ASIC2: variants seen among roughly 807,000 people sequenced by gnomAD.
The protein encoded by ASIC2 is acid-sensing ion channel 2.
Under a neutral mutation model 57.3 loss-of-function variants are expected in ASIC2, and 25 were observed. The ratio of observed to expected loss-of-function variants is 0.44; its 90% CI spans 0.32 to 0.61. The LOEUF is 0.61. Ranked by LOEUF, ASIC2 falls within the 20% of genes least tolerant of loss-of-function variation. The pLI is 0.06. For synonymous variants in ASIC2, 319 were observed against 307.5 expected, an observed-to-expected ratio of 1.04 and a Z score of -0.39; for missense variants, 641 against 738.1, an observed-to-expected ratio of 0.87 and a Z score of 1.52.
chr17:33,409,267 A>C (rs916041021), intron 1 of ASIC2, among the ~76,000 whole-genome samples: 1 of 152,140 alleles, frequency 6.6e-6, no homozygotes, highest in Non-Finnish European at 1.5e-5. Flanking sequence ...TCCAGAGGTC[A>C]TCAACTCCAA....
chr17:33,573,555 CTTGT>C (rs534971893), intron 1 of ASIC2, among the ~76,000 whole-genome samples: 126 of 152,156 alleles, frequency 8.3e-4, no homozygotes, highest in Admixed American at 2.0e-3. Context: ...TGCTTTAAAT[CTTGT>C]TTTTTTGTTT....
intron 1 of ASIC2, among the ~76,000 whole-genome samples, chr17:34,088,619 G>A (rs1420278991): frequency 6.6e-6 from 1 of 152,226 alleles, no homozygotes; most frequent in African/African-American, 2.4e-5. Context: ...CTTTTTGTTT[G>A]TCTGTGCCCT....
intron 1 of ASIC2, among the ~76,000 whole-genome samples, chr17:33,193,581 C>T (rs1480906313): frequency 6.6e-6 from 1 of 152,172 alleles, no homozygotes; most frequent in Admixed American, 6.5e-5. Flanking sequence ...TTTACATCCC[C>T]CTGGGGAGCA....
chr17:33,909,016 C>A (rs569484468), intron 1 of ASIC2, among the ~76,000 whole-genome samples: 1 of 152,186 alleles, frequency 6.6e-6, no homozygotes, highest in Admixed American at 6.5e-5. Flanking sequence ...AAGAAAAGAG[C>A]ACAGCCATCA....
chr17:34,116,267 C>T (rs934065508), intron 1 of ASIC2, among the ~76,000 whole-genome samples: 1 of 151,982 alleles, frequency 6.6e-6, no homozygotes, highest in Non-Finnish European at 1.5e-5. Flanking sequence ...ATGCCTTTCT[C>T]TCTCTAGGCC....
rs890576074 is a variant in ASIC2, at chr17:34,120,409, C to T, written c.555+35569G>A. 3.2e-4 allele frequency among the ~76,000 whole-genome samples: 49 copies of T among 151,960 alleles called. 1 individual carries two copies. The highest frequency in any genetic ancestry group is 2.3e-3 in the Admixed American group (35 of 15,266). On this transcript the variant is annotated intron_variant, in intron 1 of 9. Coordinates refer to the ASIC2 transcript ENST00000359872. ...ACAGTATAGAGTGTGTCTGTGCACACGCATATGGCTCATTTAGATGAGATA... is the reference window on the plus strand; with the variant it reads ...ACAGTATAGAGTGTGTCTGTGCACATGCATATGGCTCATTTAGATGAGATA...
intron 1 of ASIC2, among the ~76,000 whole-genome samples, chr17:33,130,138 C>T (rs1160777265): frequency 1.3e-5 from 2 of 152,140 alleles, no homozygotes; most frequent in African/African-American, 4.8e-5. Context: ...GAACCTGGTG[C>T]CTTCTCTACT....
intron 1 of ASIC2, among the ~76,000 whole-genome samples, chr17:33,579,806 C>A (rs1042364934): frequency 6.6e-6 from 1 of 151,982 alleles, no homozygotes; most frequent in East Asian, 1.9e-4. Context: ...TGAAAAACAC[C>A]CCTTGGATTT....
In ASIC2 at chr17:33,433,696, C is replaced by A. The variant is rs528696777; in HGVS notation, c.556-321629G>T. ...ACTTGGAGGCAGAGGTTGCAGTGAGCGTAGATCGTGCCAGTGCACTCCAGC... is the reference window on the plus strand; with the variant it reads ...ACTTGGAGGCAGAGGTTGCAGTGAGAGTAGATCGTGCCAGTGCACTCCAGC... On this transcript the variant is annotated intron_variant, in intron 1 of 9. Coordinates refer to the ASIC2 transcript ENST00000359872. Among the ~76,000 whole-genome samples the A allele has an allele frequency of 3.3e-5, 5 of 152,170 alleles. No individual in the cohort carries two copies. The South Asian group carries it at 1.0e-3, about 32-fold the overall frequency.
chr17:33,516,276 G>C (rs1423257164), intron 1 of ASIC2, among the ~76,000 whole-genome samples: 2 of 152,118 alleles, frequency 1.3e-5, no homozygotes, highest in African/African-American at 2.4e-5. Flanking sequence ...CAACCAGAAC[G>C]TGCAGTTTGC....
chr17:33,313,779 C>A (rs140249194), intron 1 of ASIC2, among the ~76,000 whole-genome samples: 2 of 151,916 alleles, frequency 1.3e-5, no homozygotes, highest in African/African-American at 4.8e-5. Flanking sequence ...TGTTCCCTGG[C>A]GGAATCGAAG....
intron 1 of ASIC2, among the ~76,000 whole-genome samples, chr17:34,034,821 C>G (rs1348171178): frequency 1.3e-5 from 2 of 152,084 alleles, no homozygotes; most frequent in Non-Finnish European, 2.9e-5. Flanking sequence ...TGAAGGACCT[C>G]TTCAAGGAGA....
At chr17:33,443,627 G>C (rs1467391570) in intron 1 of ASIC2, among the ~76,000 whole-genome samples, 6 of 150,436 alleles carry the variant, frequency 4.0e-5, no homozygotes, top group Admixed American at 3.3e-4. Flanking sequence ...CGTTTTAGCC[G>C]GGATGGTCTC....
rs1263403914 is a variant in ASIC2 at position 34,077,308 on chromosome 17, T to A, written c.555+78670A>T. ...TCTGCAGTTCAGGGACCTCTGGCCC[T>A]GGGCTCCTCTCCTGTGATCGAGCCC... On this transcript the variant is annotated intron_variant, in intron 1 of 9. Transcript: ENST00000359872. Among the ~76,000 whole-genome samples the A allele has an allele frequency of 4.6e-5, 7 of 152,314 alleles. No individual in the cohort carries two copies. In the East Asian group the frequency reaches 1.4e-3, roughly 29 times the overall value.
chr17:34,038,882 T>G lies in ASIC2; in HGVS notation c.555+117096A>C, dbSNP rs574961845. 6.2e-6 allele frequency: 10 copies of G among 1,612,548 alleles called. No individual in the cohort carries two copies. The East Asian group carries it at 2.0e-4, about 32-fold the overall frequency. On this transcript the variant is annotated intron_variant, in intron 1 of 9. Coordinates refer to the ASIC2 transcript ENST00000359872. ...CCGTTGTCTTTCTATCTCTTCCCTC[T>G]GTGAATTTATCCTTTCCTGTTGCTT... is the stretch of plus-strand genomic sequence containing the variant.
chr17:33,559,211 C>T (rs1030681966), intron 1 of ASIC2, among the ~76,000 whole-genome samples: 1 of 152,200 alleles, frequency 6.6e-6, no homozygotes, highest in Admixed American at 6.5e-5. Context: ...AACCTCATAA[C>T]AGCCCTTCCT....
Position 33,942,486 on chromosome 17 carries a change from C to T in ASIC2, c.555+213492G>A, listed in dbSNP as rs35122965. On this transcript the variant is annotated intron_variant, in intron 1 of 9. Coordinates refer to the ASIC2 transcript ENST00000359872. ...GGAAGAGCCAAGGCCAGAACTCAGA[C>T]CCTCTGCCTTCCACCTCCTTTTCTC... Among the ~76,000 whole-genome samples the T allele has an allele frequency of 7.7e-3, 1,165 of 152,282 alleles. 22 individuals carry two copies. The highest frequency in any genetic ancestry group is 0.027 in the African/African-American group (1,109 of 41,556).
At chr17:33,817,264 T>C (rs1334601409) in intron 1 of ASIC2, among the ~76,000 whole-genome samples, 1 of 152,230 alleles carries the variant, frequency 6.6e-6, no homozygotes, top group Non-Finnish European at 1.5e-5. Context: ...GAGACGTGCT[T>C]TTGATGCTAG....
chr17:33,386,964 G>C (rs538398733), intron 1 of ASIC2, among the ~76,000 whole-genome samples: 1 of 152,196 alleles, frequency 6.6e-6, no homozygotes, highest in Admixed American at 6.5e-5. Context: ...GTGTGTCTGT[G>C]TGTGTGTGTG....
Sources: gnomAD v4.1 joint callset for allele counts (sites outside exome capture counted in the v4.1 genomes callset) on GRCh38, gnomAD v4.1.1 for gene constraint, MANE v1.5 for transcripts, NCBI Gene and HGNC (gene_info 2026-07-23, HGNC 2026-07-21) for gene names.